The following PRKCE variants were observed in gnomAD, a reference collection of about 807,000 sequenced individuals.
PRKCE encodes protein kinase C epsilon type.
In PRKCE, 16 loss-of-function variants were observed where a neutral mutation model predicts 85.4. That is an observed-to-expected ratio of 0.19 (90% CI 0.13 to 0.28). The LOEUF is 0.28. PRKCE is among the 10% of genes least tolerant of loss of function. The probability of loss-of-function intolerance (pLI) is 1.00; values close to 1 mark genes in which losing one functional copy is unlikely to be tolerated. For synonymous variants in PRKCE, 388 were observed against 371.5 expected (o/e 1.04, Z -0.51); for missense variants, 573 against 975.2 (o/e 0.59, Z 5.49).
intron 11 of PRKCE, among the ~76,000 whole-genome samples, chr2:46,143,830 T>C (rs1675797754): frequency 6.6e-6 from 1 of 152,222 alleles, no homozygotes. Context: ...GTCCCAGCTG[T>C]AAGTGGAAAC....
intron 2 of PRKCE, among the ~76,000 whole-genome samples, chr2:45,963,210 T>A (rs1306867983): frequency 6.6e-6 from 1 of 152,152 alleles, no homozygotes; most frequent in East Asian, 1.9e-4. Flanking sequence ...GTAGATTGTG[T>A]TATGTAAAAT....
intron 11 of PRKCE, among the ~76,000 whole-genome samples, chr2:46,109,312 CT>C (rs566550975): frequency 5.9e-5 from 9 of 152,108 alleles, no homozygotes; most frequent in Non-Finnish European, 1.3e-4. Context: ...AATATTGAAG[CT>C]TCTAATCCAT....
chr2:45,651,523 C>T (rs1008778423), upstream of PRKCE: 1 of 152,220 alleles, frequency 6.6e-6, no homozygotes, highest in Non-Finnish European at 1.5e-5. Context: ...CGACATGCAT[C>T]CCTCCGGATA....
At chr2:46,093,596 A>C in intron 11 of PRKCE, among the ~76,000 whole-genome samples, 1 of 150,584 alleles carries the variant, frequency 6.6e-6, no homozygotes, top group Admixed American at 6.6e-5. Context: ...TGTTACAATG[A>C]TAGCTCACTG....
At chr2:45,664,276 G>A (rs1465159014) in intron 1 of PRKCE, among the ~76,000 whole-genome samples, 3 of 152,078 alleles carry the variant, frequency 2.0e-5, no homozygotes, top group Admixed American at 6.6e-5. Context: ...GTTAGTCCTC[G>A]GTTTGAAATC....
intron 11 of PRKCE, among the ~76,000 whole-genome samples, chr2:46,142,370 C>T (rs749313771): frequency 6.6e-6 from 1 of 152,158 alleles, no homozygotes; most frequent in African/African-American, 2.4e-5. Context: ...CCTTCTGGCT[C>T]CCGGAAGTCT....
In PRKCE at chr2:46,139,578, C is replaced by T. The variant is rs1156742640; in HGVS notation, c.1593-5515C>T. Among the ~76,000 whole-genome samples, 1 of 151,974 alleles carries T rather than the reference C, an allele frequency of 6.6e-6. No individual in the cohort carries two copies. The highest frequency in any genetic ancestry group is 1.5e-5 in the Non-Finnish European group (1 of 68,000). ...GATGGTCCAGTTACCATTCCTAGGA[C>T]TTAGTCCTTGTCTTTATGGTTGTAG... On this transcript the variant is annotated intron_variant, in intron 11 of 14. Transcript: ENST00000306156. This position sits in a 1 kb window ranked among gnomAD's most constrained non-coding sequence, Gnocchi z 5.2.
intron 2 of PRKCE, among the ~76,000 whole-genome samples, chr2:45,859,711 A>T (rs1021211308): frequency 1.3e-5 from 2 of 152,194 alleles, no homozygotes; most frequent in African/African-American, 4.8e-5. Context: ...ATTTGTAGAT[A>T]ATCTTTTCAT....
chr2:45,692,729 A>ACACC (rs965218940), intron 1 of PRKCE, among the ~76,000 whole-genome samples: 3 of 150,462 alleles, frequency 2.0e-5, no homozygotes, highest in Non-Finnish European at 3.0e-5. Context: ...ACACACACAC[A>ACACC]CCCATGCACA....
At chr2:46,115,291 G>T (rs111253343) in intron 11 of PRKCE, among the ~76,000 whole-genome samples, 84 of 152,344 alleles carry the variant, frequency 5.5e-4, no homozygotes, top group African/African-American at 2.0e-3. Flanking sequence ...AGGCATTGCT[G>T]TCCATCCTGC....
At chr2:45,851,458 A>T (rs1445180002) in intron 2 of PRKCE, among the ~76,000 whole-genome samples, 1 of 152,116 alleles carries the variant, frequency 6.6e-6, no homozygotes, top group Non-Finnish European at 1.5e-5. Context: ...TGGGAGGGGT[A>T]TGTGTGTGTG....
chr2:45,976,203 A>G (rs1222995264), intron 2 of PRKCE, among the ~76,000 whole-genome samples: 1 of 152,168 alleles, frequency 6.6e-6, no homozygotes, highest in Admixed American at 6.5e-5. Context: ...ATCTGAGGAT[A>G]TAGCAGGAAT....
At chr2:45,982,968 T>C (rs1367954299) in intron 5 of PRKCE, among the ~76,000 whole-genome samples, 1 of 152,214 alleles carries the variant, frequency 6.6e-6, no homozygotes, top group Non-Finnish European at 1.5e-5. Flanking sequence ...TGTGTAGGAA[T>C]AGAGTGGGCA....
intron 1 of PRKCE, among the ~76,000 whole-genome samples, chr2:45,661,506 G>GTTTTT (rs1558533835): frequency 9.3e-6 from 1 of 107,430 alleles, no homozygotes; most frequent in African/African-American, 3.3e-5. Flanking sequence ...AGTTTTTTTT[G>GTTTTT]TTTTGTTTTG....
intron 1 of PRKCE, among the ~76,000 whole-genome samples, chr2:45,714,992 G>T (rs1468458110): frequency 6.6e-6 from 1 of 152,208 alleles, no homozygotes. Flanking sequence ...GGCATCTGCA[G>T]GTTCCTCCTT....
intron 6 of PRKCE, among the ~76,000 whole-genome samples, chr2:45,987,482 C>A (rs1388606210): frequency 1.3e-5 from 2 of 152,170 alleles, no homozygotes; most frequent in Admixed American, 1.3e-4. Context: ...CTTTGTCTTC[C>A]TCTCTCTTTA....
At chr2:46,028,559 G>C (rs1476190708) in intron 10 of PRKCE, among the ~76,000 whole-genome samples, 1 of 152,132 alleles carries the variant, frequency 6.6e-6, no homozygotes. Context: ...CTCCCCACCT[G>C]CCACCACTGG....
rs1172800556 is a variant in PRKCE, at chr2:46,187,549, CT to C, written c.*2671del. ...ATCTTTCCAGCCCCACCCCCTTTCT[CT>C]TTCTCTCTCTCTCTCAAAGAAAAAA... On this transcript the variant is annotated 3_prime_UTR_variant, in exon 15 of 15. Coordinates refer to ENST00000306156, the MANE Select transcript of PRKCE (RefSeq NM_005400.3). 2 of 151,884 alleles carry C rather than the reference CT, an allele frequency of 1.3e-5. No individual in the cohort carries two copies. Among genetic ancestry groups the C allele is most frequent in the African/African-American group, 2.4e-5 (1 of 41,180 alleles). 9.4% of individuals were successfully genotyped at this position (151,884 alleles called of 1,614,324 possible).
At chr2:45,669,708 G>A (rs1165796181) in intron 1 of PRKCE, among the ~76,000 whole-genome samples, 1 of 152,224 alleles carries the variant, frequency 6.6e-6, no homozygotes, top group Admixed American at 6.5e-5. Flanking sequence ...GGTAGTATCT[G>A]TGAAAATTAA....
Sources: allele counts gnomAD v4.1 joint callset (sites outside exome capture counted in the v4.1 genomes callset), GRCh38; gene constraint gnomAD v4.1.1; non-coding constraint Gnocchi (gnomAD v3.1); transcripts MANE v1.5; gene names NCBI Gene and HGNC (gene_info 2026-07-23, HGNC 2026-07-21).